TRPC4: variants seen among roughly 807,000 people sequenced by gnomAD.
TRPC4 encodes short transient receptor potential channel 4.
TRPC4 carries 49 observed loss-of-function variants against 99.4 expected under a neutral mutation model. The ratio of observed to expected loss-of-function variants is 0.49; its 90% CI spans 0.39 to 0.63. The LOEUF (loss-of-function observed/expected upper bound fraction) is 0.63. Among genes scored for constraint, TRPC4 ranks in the 20% least tolerant of loss-of-function variants. The probability of loss-of-function intolerance (pLI) is 0.00; values close to 1 mark genes in which losing one functional copy is unlikely to be tolerated. For synonymous variants in TRPC4, 454 were observed against 425.9 expected (o/e 1.07, Z -0.81); for missense variants, 898 against 1,152.9 (o/e 0.78, Z 3.20).
rs200712664 is a variant in TRPC4 at position 37,823,544 on chromosome 13, C to T, written c.-27-40184G>A. Among the ~76,000 whole-genome samples, 1,348 of 151,868 alleles carry T rather than the reference C, an allele frequency of 8.9e-3. 34 individuals are homozygous for T. In the East Asian group the frequency reaches 0.1, roughly 11 times the overall value. The stretch of plus-strand genomic sequence containing the variant: ...TAAATAGGGAATCCTTTCCCCATTG[C>T]TTGTTTTTCTCAGGTTTGTCAAAGA... On this transcript the variant is annotated intron_variant, in intron 1 of 10. Coordinates refer to ENST00000379705, the MANE Select transcript of TRPC4 (RefSeq NM_016179.4).
At chr13:37,722,500 T>G (rs1192675013) in intron 3 of TRPC4, among the ~76,000 whole-genome samples, 1 of 152,124 alleles carries the variant, frequency 6.6e-6, no homozygotes, top group Middle Eastern at 3.2e-3. Context: ...ATCCAAACAG[T>G]TGTTGAATGG....
At chr13:37,825,693 G>C (rs369667258) in intron 1 of TRPC4, among the ~76,000 whole-genome samples, 24 of 144,116 alleles carry the variant, frequency 1.7e-4, no homozygotes, top group South Asian at 7.0e-4. Context: ...TTACTTCCAA[G>C]TATGTGGTCA....
At chr13:37,831,138 C>T (rs967369902) in intron 1 of TRPC4, among the ~76,000 whole-genome samples, 1 of 151,530 alleles carries the variant, frequency 6.6e-6, no homozygotes, top group African/African-American at 2.4e-5. Flanking sequence ...GCTTTTGTTG[C>T]CTGTGCTTTT....
chr13:37,649,754 AAAAAAACAAC>A (rs1421328935), intron 8 of TRPC4, among the ~76,000 whole-genome samples: 11 of 130,794 alleles, frequency 8.4e-5, no homozygotes, highest in African/African-American at 3.0e-4. Flanking sequence ...AAAAAAAAAA[AAAAAAACAAC>A]AACAAAGAAC....
chr13:37,736,857 T>G (rs1384193764), intron 3 of TRPC4, among the ~76,000 whole-genome samples: 2 of 151,284 alleles, frequency 1.3e-5, no homozygotes, highest in Non-Finnish European at 2.9e-5. Context: ...GGCTCCCAAG[T>G]AGCTGCGAGT....
At chr13:37,781,281 T>G (rs35110962) in intron 2 of TRPC4, among the ~76,000 whole-genome samples, 9,789 of 152,174 alleles carry the variant, frequency 0.064, 395 homozygotes, top group Non-Finnish European at 0.091. Context: ...TGCTGCAATC[T>G]AAAATGATTT....
intron 3 of TRPC4, among the ~76,000 whole-genome samples, chr13:37,741,347 G>A (rs2047019698): frequency 6.6e-6 from 1 of 152,296 alleles, no homozygotes; most frequent in East Asian, 1.9e-4. Flanking sequence ...CAGAAACCAA[G>A]GGACAAGTTT....
intron 1 of TRPC4, among the ~76,000 whole-genome samples, chr13:37,831,746 T>C (rs903021185): frequency 9.2e-5 from 14 of 152,202 alleles, no homozygotes; most frequent in Non-Finnish European, 1.8e-4. Flanking sequence ...CATAGATGTA[T>C]ATGAAGGACA....
At chr13:37,690,646 G>A (rs568694387) in intron 4 of TRPC4, among the ~76,000 whole-genome samples, 1 of 152,116 alleles carries the variant, frequency 6.6e-6, no homozygotes, top group South Asian at 2.1e-4. Context: ...ACCCACTTTA[G>A]ATTAATGAGA....
chr13:37,671,640 A>C (rs1566084624), intron 5 of TRPC4, among the ~76,000 whole-genome samples: 1 of 152,018 alleles, frequency 6.6e-6, no homozygotes, highest in Non-Finnish European at 1.5e-5. Flanking sequence ...AAATACATCA[A>C]CTCATTTACT....
chr13:37,755,599 A>AC (rs1314309927), intron 2 of TRPC4, among the ~76,000 whole-genome samples: 74 of 151,834 alleles, frequency 4.9e-4, no homozygotes, highest in African/African-American at 1.8e-3. Flanking sequence ...ACAGCATCTC[A>AC]CTATATTGGC....
At chr13:37,690,399 C>T (rs1302672664) in intron 4 of TRPC4, among the ~76,000 whole-genome samples, 2 of 152,222 alleles carry the variant, frequency 1.3e-5, no homozygotes, top group Admixed American at 6.5e-5. Context: ...ACCGCAACCT[C>T]TGCCTCCCAG....
intron 1 of TRPC4, among the ~76,000 whole-genome samples, chr13:37,856,102 T>C (rs888716038): frequency 2.6e-5 from 4 of 151,756 alleles, no homozygotes; most frequent in African/African-American, 9.7e-5. Flanking sequence ...GTTTGTTTTT[T>C]GAAAAGATAT....
chr13:37,638,987 T>C, intron 10 of TRPC4, 53 bp downstream of exon 10: 1 of 1,569,722 alleles, frequency 6.4e-7, no homozygotes, highest in Admixed American at 1.7e-5. Flanking sequence ...GTGCTCTATC[T>C]GGATCCATAT....
chr13:37,861,851 C>T (rs1169141473), intron 1 of TRPC4, among the ~76,000 whole-genome samples: 1 of 151,464 alleles, frequency 6.6e-6, no homozygotes, highest in African/African-American at 2.4e-5. Context: ...ATTTTAGAGG[C>T]TCTCAGATGC....
intron 3 of TRPC4, among the ~76,000 whole-genome samples, chr13:37,728,257 C>T (rs2139069263): frequency 6.6e-6 from 1 of 151,686 alleles, no homozygotes; most frequent in East Asian, 1.9e-4. Flanking sequence ...TATCTGTTTA[C>T]ATATGTTGTA....
chr13:37,813,403 G>A (rs1957757820), intron 1 of TRPC4, among the ~76,000 whole-genome samples: 1 of 151,388 alleles, frequency 6.6e-6, no homozygotes, highest in African/African-American at 2.4e-5. Flanking sequence ...GTGGATATAA[G>A]TAAAATAGAG....
At chr13:37,858,592 C>T (rs557072507) in intron 1 of TRPC4, among the ~76,000 whole-genome samples, 112 of 151,370 alleles carry the variant, frequency 7.4e-4, no homozygotes, top group Non-Finnish European at 1.5e-3. Flanking sequence ...TACTATTCAG[C>T]TATAAAAAAG....
At chr13:37,721,568 G>A (rs1011309115) in intron 3 of TRPC4, among the ~76,000 whole-genome samples, 6 of 152,054 alleles carry the variant, frequency 3.9e-5, no homozygotes, top group Non-Finnish European at 5.9e-5. Context: ...CAATCAGATA[G>A]GTAGATTTGG....
Sources: allele counts gnomAD v4.1 joint callset (sites outside exome capture counted in the v4.1 genomes callset), GRCh38; gene constraint gnomAD v4.1.1; transcripts MANE v1.5; gene names NCBI Gene and HGNC (gene_info 2026-07-23, HGNC 2026-07-21).